ADRA1A: variants seen among roughly 807,000 people sequenced by gnomAD.
ADRA1A encodes the protein adrenoceptor alpha 1A.
Under a neutral mutation model 29.6 loss-of-function variants are expected in ADRA1A, and 31 were observed. The ratio of observed to expected loss-of-function variants is 1.05; its 90% CI spans 0.79 to 1.41. ADRA1A has a LOEUF of 1.41. Ranked by LOEUF, ADRA1A falls within the 40% of genes most tolerant of loss-of-function variation. The pLI, the probability that ADRA1A is intolerant of heterozygous loss-of-function variation, is 0.00. For missense variants in ADRA1A, 619 were observed against 601.1 expected (o/e 1.03, Z -0.31); for synonymous variants, 311 against 254.3 (o/e 1.22, Z -2.12).
At chr8:26,851,199 A>AGGC (rs1812603775) in intron 2 of ADRA1A, among the ~76,000 whole-genome samples, 1 of 152,238 alleles carries the variant, frequency 6.6e-6, no homozygotes, top group Admixed American at 6.5e-5. Context: ...TAGAGGTTTT[A>AGGC]AAGAGAAGGG....
At position 26,787,506 on chromosome 8, in the gene ADRA1A, G is replaced by A. The variant is rs1807486918; in HGVS notation, c.884-16840C>T. On this transcript the variant is annotated intron_variant, in intron 2 of 2. Coordinates refer to ENST00000380573, the MANE Select transcript of ADRA1A (RefSeq NM_000680.4). This position sits in a 1 kb window ranked among gnomAD's most constrained non-coding sequence, Gnocchi z 4.2. ...TAAGATTGGTCAGAAAGTATGATCT[G>A]TTATGTATGACAAAATCTGGGTGAA... Among the ~76,000 whole-genome samples the A allele has an allele frequency of 6.6e-6, 1 of 152,108 alleles. No individual in the cohort carries two copies.
At position 26,849,571 on chromosome 8, in the gene ADRA1A, G is replaced by A. The variant is rs548731438; in HGVS notation, c.883+14516C>T. Among the ~76,000 whole-genome samples the A allele has an allele frequency of 4.6e-5, 7 of 152,282 alleles. No individual in the cohort carries two copies. The South Asian group carries it at 1.5e-3, about 32-fold the overall frequency. On this transcript the variant is annotated intron_variant, in intron 2 of 2. Coordinates refer to ENST00000380573, the MANE Select transcript of ADRA1A (RefSeq NM_000680.4). The stretch of plus-strand genomic sequence containing the variant: ...TCTGGCAGATTCGAATCACAACAAA[G>A]ACAATCCATTTCCTTCTCCCCTTAA...
intron 2 of ADRA1A, among the ~76,000 whole-genome samples, chr8:26,782,308 A>G (rs946612084): frequency 6.6e-6 from 1 of 152,226 alleles, no homozygotes; most frequent in African/African-American, 2.4e-5. Context: ...ATTCAAATGG[A>G]CATAATACAT....
chr8:26,790,461 G>A (rs772586804), intron 2 of ADRA1A, among the ~76,000 whole-genome samples: 6 of 152,108 alleles, frequency 3.9e-5, no homozygotes, highest in Admixed American at 2.0e-4. Flanking sequence ...GGGAAGAATC[G>A]TGGGGAGGGG....
chr8:26,750,023 G>A (rs1477469143), intron 2 of ADRA1A, among the ~76,000 whole-genome samples: 1 of 152,244 alleles, frequency 6.6e-6, no homozygotes, highest in Non-Finnish European at 1.5e-5. Context: ...AACATAAATA[G>A]GTGGCTTATA....
chr8:26,792,232 T>C (rs1346240277), intron 2 of ADRA1A, among the ~76,000 whole-genome samples: 2 of 152,162 alleles, frequency 1.3e-5, no homozygotes, highest in Admixed American at 1.3e-4. Flanking sequence ...ATTTATTTGC[T>C]CTTTGCCAAT....
intron 2 of ADRA1A, among the ~76,000 whole-genome samples, chr8:26,784,868 G>C (rs747397379): frequency 6.6e-6 from 1 of 152,220 alleles, no homozygotes; most frequent in African/African-American, 2.4e-5. Flanking sequence ...TAGGAAGACT[G>C]ATTTGGGCTG....
At chr8:26,830,352 C>T (rs1200921101) in intron 2 of ADRA1A, among the ~76,000 whole-genome samples, 1 of 152,222 alleles carries the variant, frequency 6.6e-6, no homozygotes, top group African/African-American at 2.4e-5. Context: ...TTATGATGCT[C>T]CCTAAGATCT....
intron 2 of ADRA1A, among the ~76,000 whole-genome samples, chr8:26,827,066 A>G (rs1374938832): frequency 6.6e-5 from 10 of 152,344 alleles, no homozygotes; most frequent in Admixed American, 3.9e-4. Context: ...AATCTCCCTC[A>G]TGGTACTGCG....
At chr8:26,803,561 G>A (rs545193343) in intron 2 of ADRA1A, among the ~76,000 whole-genome samples, 35 of 152,254 alleles carry the variant, frequency 2.3e-4, no homozygotes, top group Non-Finnish European at 4.7e-4. Flanking sequence ...AGTGATAAAT[G>A]TAAAAGTAGA....
intron 2 of ADRA1A, among the ~76,000 whole-genome samples, chr8:26,773,744 A>G (rs1445012442): frequency 1.3e-5 from 2 of 152,210 alleles, no homozygotes; most frequent in Non-Finnish European, 2.9e-5. Flanking sequence ...TTGCACTCGT[A>G]AATCTCAACA....
chr8:26,791,174 G>A (rs530984562), intron 2 of ADRA1A, among the ~76,000 whole-genome samples: 1 of 152,102 alleles, frequency 6.6e-6, no homozygotes, highest in East Asian at 1.9e-4. Context: ...ATTTTTCATG[G>A]CATCTTAGTA....
intron 2 of ADRA1A, among the ~76,000 whole-genome samples, chr8:26,808,386 A>G (rs1809149491): frequency 6.6e-6 from 1 of 152,018 alleles, no homozygotes; most frequent in South Asian, 2.1e-4. Flanking sequence ...CTAGTGCTGG[A>G]TTTTTTTCAT....
At chr8:26,765,853 C>T (rs1299364902), downstream of ADRA1A, 5 of 1,406,708 alleles carry the variant, frequency 3.6e-6, no homozygotes, top group Non-Finnish European at 4.6e-6. Flanking sequence ...TAGCTGTGAT[C>T]AGAGTGAAAA....
chr8:26,843,688 T>C (rs895616443), intron 2 of ADRA1A, among the ~76,000 whole-genome samples: 1 of 152,128 alleles, frequency 6.6e-6, no homozygotes, highest in African/African-American at 2.4e-5. Flanking sequence ...GCTAAGAATA[T>C]AGGATTGGAT....
In ADRA1A at chr8:26,825,346, T is replaced by A. The variant is rs1810478664; in HGVS notation, c.883+38741A>T. The stretch of plus-strand genomic sequence containing the variant: ...CTTCCTGCCTTTAACCATTCTTCCA[T>A]GAAACACTCAAGTGGGAGAGTTTGG... On this transcript the variant is annotated intron_variant, in intron 2 of 2. Transcript: ENST00000380573. This position sits in a 1 kb window ranked among gnomAD's most constrained non-coding sequence, Gnocchi z 5.7. Among the ~76,000 whole-genome samples the A allele has an allele frequency of 6.7e-6, 1 of 149,210 alleles. No individual in the cohort carries two copies. Among genetic ancestry groups the A allele is most frequent in the African/African-American group, 2.5e-5 (1 of 40,090 alleles).
intron 2 of ADRA1A, among the ~76,000 whole-genome samples, chr8:26,770,965 G>A (rs1438043939): frequency 6.6e-6 from 1 of 152,128 alleles, no homozygotes; most frequent in Non-Finnish European, 1.5e-5. Flanking sequence ...AAATGAAAAT[G>A]TGAAACTCAG....
chr8:26,844,946 C>G (rs1261085325), intron 2 of ADRA1A, among the ~76,000 whole-genome samples: 2 of 152,060 alleles, frequency 1.3e-5, no homozygotes, highest in Non-Finnish European at 2.9e-5. Context: ...TGGAAAAAAT[C>G]ATAATGTTTT....
Position 26,841,292 on chromosome 8 carries a change from C to T in ADRA1A, c.883+22795G>A, listed in dbSNP as rs1253462981. Among the ~76,000 whole-genome samples, 2 of 152,144 alleles carry T rather than the reference C, an allele frequency of 1.3e-5. No individual in the cohort carries two copies. The highest frequency in any genetic ancestry group is 2.9e-5 in the Non-Finnish European group (2 of 68,032). On this transcript the variant is annotated intron_variant, in intron 2 of 2. Transcript: ENST00000380573. This position sits in a 1 kb window ranked among gnomAD's most constrained non-coding sequence, Gnocchi z 4.4. ...GACAGGTTGGCTTCAAGTGACCGTTCCAATCTCAGAGGACCACAGTCTCAA... is the reference window on the plus strand; with the variant it reads ...GACAGGTTGGCTTCAAGTGACCGTTTCAATCTCAGAGGACCACAGTCTCAA...
Sources: allele counts gnomAD v4.1 joint callset (sites outside exome capture counted in the v4.1 genomes callset), GRCh38; gene constraint gnomAD v4.1.1; non-coding constraint Gnocchi (gnomAD v3.1); transcripts MANE v1.5; gene names NCBI Gene and HGNC (gene_info 2026-07-23, HGNC 2026-07-21).